Variants in RBL2 observed in about 807,000 individuals in gnomAD.
The protein encoded by RBL2 is RB transcriptional corepressor like 2.
A neutral mutation model predicts 126.0 loss-of-function variants in RBL2; 56 were observed. The observed-to-expected ratio is 0.44, with a 90% CI of 0.36 to 0.56. The LOEUF is 0.56. RBL2 is among the 20% of genes least tolerant of loss of function. The pLI, the probability that RBL2 is intolerant of heterozygous loss-of-function variation, is 0.00. For missense variants in RBL2, 1,229 were observed against 1,398.2 expected (o/e 0.88, Z 1.93); for synonymous variants, 454 against 478.5 (o/e 0.95, Z 0.67).
intron 1 of RBL2, among the ~76,000 whole-genome samples, chr16:53,435,296 C>T (rs929874281): frequency 6.6e-6 from 1 of 152,114 alleles, no homozygotes; most frequent in Non-Finnish European, 1.5e-5. Context: ...CGTGCTGATG[C>T]GTTTTGGGCT....
At chr16:53,472,893 G>A (rs1960576033) in intron 17 of RBL2, among the ~76,000 whole-genome samples, 1 of 152,162 alleles carries the variant, frequency 6.6e-6, no homozygotes, top group Admixed American at 6.6e-5. Context: ...TGAGGTAGCA[G>A]TCCATTTCCA....
At position 53,444,635 on chromosome 16, in the gene RBL2, G is replaced by GTCAGGAGT. The variant is rs570914320; in HGVS notation, c.572+1781_572+1788dup. Among the ~76,000 whole-genome samples, 916 of 151,750 alleles carry GTCAGGAGT rather than the reference G, an allele frequency of 6.0e-3. 9 individuals carry two copies. The highest frequency in any genetic ancestry group is 0.021 in the African/African-American group (879 of 41,368). On this transcript the variant is annotated intron_variant, in intron 3 of 21. Transcript: ENST00000262133. ...GGCCGAGGCAGGTGGATTGCTTGAGGTCAGGAGTTCAAGACTAGCCTGGCC... is the reference window on the plus strand; with the variant it reads ...GGCCGAGGCAGGTGGATTGCTTGAGGTCAGGAGTTCAGGAGTTCAAGACTAGCCTGGCC...
chr16:53,481,879 T>C (rs773654283), intron 21 of RBL2, 44 bp downstream of exon 21: 2 of 1,527,278 alleles, frequency 1.3e-6, no homozygotes, highest in Admixed American at 1.7e-5. Context: ...CTCAAAATGC[T>C]TCAGATGCTA....
intron 21 of RBL2, chr16:53,489,174 A>T (rs1961295428): frequency 2.0e-5 from 3 of 152,196 alleles, no homozygotes; most frequent in Admixed American, 6.5e-5. Flanking sequence ...AAAAATAACA[A>T]GTGTCATGAT....
rs184156548 is a variant in RBL2, at chr16:53,479,362, T to C, written c.2775+137T>C. ...CTCTACTTAAGGGAAGTTTCTACTTTAATCTTTATTCTTGATGTCACATGT... is the reference window on the plus strand; with the variant it reads ...CTCTACTTAAGGGAAGTTTCTACTTCAATCTTTATTCTTGATGTCACATGT... On this transcript the variant is annotated intron_variant, in intron 18 of 21. Transcript: ENST00000262133. The C allele has an allele frequency of 6.6e-3, 4,409 of 670,298 alleles. 32 individuals are homozygous for C. The highest frequency in any genetic ancestry group is 8.4e-3 in the Non-Finnish European group (3,350 of 399,424). 41.5% of individuals were successfully genotyped at this position (670,298 alleles called of 1,614,324 possible). A position where few individuals can be genotyped will look rare whatever the true frequency, so the allele number is the denominator to read the frequency against.
intron 17 of RBL2, among the ~76,000 whole-genome samples, chr16:53,478,323 C>G (rs975317951): frequency 2.0e-5 from 3 of 152,100 alleles, no homozygotes; most frequent in Non-Finnish European, 1.5e-5. Flanking sequence ...GTTTATCCTA[C>G]CTGGAAGTCA....
chr16:53,480,695 G>C lies in RBL2; in HGVS notation c.3010G>C (p.Asp1004His). 6.2e-7 allele frequency: 1 copy of C among 1,613,760 alleles called. No individual in the cohort carries two copies. The highest frequency in any genetic ancestry group is 8.5e-7 in the Non-Finnish European group (1 of 1,179,974). Residue 1004 changes from aspartate (D) to histidine (H), a missense_variant, in exon 20 of 22, where the codon GAC (aspartate) becomes CAC (histidine). By Grantham distance (81) the Asp-to-His change is moderately conservative. Coordinates refer to ENST00000262133, the MANE Select transcript of RBL2 (RefSeq NM_005611.4). Reference sequence around the variant, plus strand: ...TGACATGGAAGAAGAGGAGAGGGGAGACCTCATTCAGTTCTACAACAACAT... The same window carrying C: ...TGACATGGAAGAAGAGGAGAGGGGACACCTCATTCAGTTCTACAACAACAT... ...NSDMEEEERGDLIQFYNNIYI... is the reference protein window; with the variant it reads ...NSDMEEEERGHLIQFYNNIYI...
chr16:53,466,516 G>A (rs1567738703), intron 13 of RBL2, among the ~76,000 whole-genome samples: 2 of 151,780 alleles, frequency 1.3e-5, no homozygotes, highest in Non-Finnish European at 2.9e-5. Flanking sequence ...GGTCCCATCT[G>A]GGGGCGGTGG....
chr16:53,481,013 G>A, intron 20 of RBL2: 1 of 341,886 alleles, frequency 2.9e-6, no homozygotes, highest in South Asian at 3.2e-5. Flanking sequence ...ACAAAAATGA[G>A]CTGGGCGTGG....
At chr16:53,447,304 T>C (rs964312240) in intron 4 of RBL2, among the ~76,000 whole-genome samples, 198 bp downstream of exon 4, 8 of 152,134 alleles carry the variant, frequency 5.3e-5, no homozygotes, top group African/African-American at 1.9e-4. Context: ...CCAAATCTTC[T>C]CTTATTAAAT....
At chr16:53,442,060 A>G (rs1269641863) in intron 2 of RBL2, among the ~76,000 whole-genome samples, 3 of 151,860 alleles carry the variant, frequency 2.0e-5, no homozygotes, top group Non-Finnish European at 4.4e-5. Context: ...GACCTTGTGA[A>G]TCTCCCACCT....
At position 53,478,411 on chromosome 16, in the gene RBL2, C is replaced by T. The variant is rs577747695; in HGVS notation, c.2704-743C>T. 5.3e-5 allele frequency among the ~76,000 whole-genome samples: 8 copies of T among 152,032 alleles called. No homozygotes were observed. The East Asian group carries it at 1.5e-3, about 29-fold the overall frequency. On this transcript the variant is annotated intron_variant, in intron 17 of 21. Coordinates refer to ENST00000262133, the MANE Select transcript of RBL2 (RefSeq NM_005611.4). Reference sequence around the variant, plus strand: ...TTTGAACATTTTTTTCTGCTTCTTTCTCTCCTCTCCTGATTCTCCCATTAC... The same window carrying T: ...TTTGAACATTTTTTTCTGCTTCTTTTTCTCCTCTCCTGATTCTCCCATTAC...
chr16:53,464,427 C>A, intron 12 of RBL2, 64 bp downstream of exon 12: 3 of 1,335,492 alleles, frequency 2.2e-6, no homozygotes, highest in South Asian at 1.4e-5. Context: ...TGTTGTTAGT[C>A]ATTTAGTTCA....
Position 53,479,146 on chromosome 16 carries a change from T to C in RBL2, c.2704-8T>C, listed in dbSNP as rs1307203322. The C allele has an allele frequency of 6.2e-7, 1 of 1,610,888 alleles. No individual in the cohort carries two copies. ...CATGTCTCTCAGAGCACTCTTATTG[T>C]TTGCCAGGTCACAAAAGAAGATAAG... On this transcript the variant is annotated splice_region_variant and splice_polypyrimidine_tract_variant and intron_variant, in intron 17 of 21. Coordinates refer to ENST00000262133, the MANE Select transcript of RBL2 (RefSeq NM_005611.4).
chr16:53,483,037 T>TTA lies in RBL2; in HGVS notation c.3249+1202_3249+1203insTA, dbSNP rs2150827949. ...ATGTGGCCTTCAGTGTATTTTTTTT[T>TTA]AAAAGTTTCTTTGGTGTTGATGATG... On this transcript the variant is annotated intron_variant, in intron 21 of 21. Transcript: ENST00000262133. Among the ~76,000 whole-genome samples the TTA allele has an allele frequency of 1.3e-5, 2 of 152,228 alleles. 1 individual carries two copies. Among genetic ancestry groups the TTA allele is most frequent in the African/African-American group, 4.8e-5 (2 of 41,550 alleles).
chr16:53,452,960 C>T (rs1051873647), intron 5 of RBL2, among the ~76,000 whole-genome samples: 3 of 152,224 alleles, frequency 2.0e-5, no homozygotes, highest in East Asian at 1.9e-4. Context: ...AGCCACTATG[C>T]CCAACCTTTA....
At chr16:53,467,978 CA>C (rs2150811484) in intron 14 of RBL2, among the ~76,000 whole-genome samples, 1 of 152,278 alleles carries the variant, frequency 6.6e-6, no homozygotes, top group East Asian at 1.9e-4. Flanking sequence ...GTTAATGTGA[CA>C]TTAGTGCTGG....
In RBL2 at chr16:53,481,839, A is replaced by G. The variant is rs1392919758; in HGVS notation, c.3249+4A>G. 1 of 1,569,930 alleles carries G rather than the reference A, an allele frequency of 6.4e-7. No individual in the cohort carries two copies. Among genetic ancestry groups the G allele is most frequent in the Non-Finnish European group, 8.8e-7 (1 of 1,139,926 alleles). Reference sequence around the variant, plus strand: ...CTTCAGCAACAGTCCTTCAAAGGTGAGCCTAACATCAATCTTGGCCTTTAC... The same window carrying G: ...CTTCAGCAACAGTCCTTCAAAGGTGGGCCTAACATCAATCTTGGCCTTTAC... On this transcript the variant is annotated splice_donor_region_variant and intron_variant, in intron 21 of 21. Coordinates refer to ENST00000262133, the MANE Select transcript of RBL2 (RefSeq NM_005611.4).
chr16:53,485,557 G>C (rs1340463645), intron 21 of RBL2, among the ~76,000 whole-genome samples: 1 of 152,110 alleles, frequency 6.6e-6, no homozygotes, highest in Non-Finnish European at 1.5e-5. Context: ...GCAAACAAAA[G>C]CTCGGTTTTT....
Sources: allele counts gnomAD v4.1 joint callset (sites outside exome capture counted in the v4.1 genomes callset), GRCh38; gene constraint gnomAD v4.1.1; transcripts MANE v1.5; gene names NCBI Gene and HGNC (gene_info 2026-07-23, HGNC 2026-07-21).